Variants in STAT2 observed in about 807,000 individuals in gnomAD.
The protein encoded by STAT2 is signal transducer and activator of transcription 2, also known as interferon alpha induced transcriptional activator.
Under a neutral mutation model 122.3 loss-of-function variants are expected in STAT2, and 51 were observed. The observed-to-expected ratio is 0.42, with a 90% confidence interval of 0.33 to 0.53. The LOEUF (loss-of-function observed/expected upper bound fraction) is 0.53. STAT2 is among the 20% of genes least tolerant of loss of function. The probability of loss-of-function intolerance (pLI) is 0.10; values close to 1 mark genes in which losing one functional copy is unlikely to be tolerated. For missense variants in STAT2, 736 were observed against 1,010.3 expected (o/e 0.73, Z 3.68); for synonymous variants, 351 against 394.9 (o/e 0.89, Z 1.32).
chr12:56,346,583 C>T lies in STAT2; in HGVS notation c.1903G>A (p.Val635Met), dbSNP rs1278719364. The change falls in exon 21 of 24, where the codon GTG becomes ATG. Residue 635 changes from valine to methionine, a missense_variant. Transcript: ENST00000314128. Reference protein sequence around the residue: ...IYSVQPYTKEVLQSLPLTEII... With the variant: ...IYSVQPYTKEMLQSLPLTEII... ...TCAGTCAGCGGGAGTGACTGCAGCA[C>T]CTCCTTCGTGTACGGTTGCACAGAG... The T allele has an allele frequency of 1.2e-5, 20 of 1,614,076 alleles. No individual in the cohort carries two copies. Among genetic ancestry groups the T allele is most frequent in the Non-Finnish European group, 1.5e-5 (18 of 1,180,034 alleles).
intron 8 of STAT2, among the ~76,000 whole-genome samples, chr12:56,352,850 C>T (rs1878756436): frequency 2.0e-5 from 3 of 152,004 alleles, no homozygotes; most frequent in South Asian, 2.1e-4. Context: ...GACAGGGTCT[C>T]GTTCTGTTGT....
At chr12:56,345,495 CA>C (rs1194953634) in intron 22 of STAT2, among the ~76,000 whole-genome samples, 25 of 4,578 alleles carry the variant, frequency 5.5e-3, no homozygotes, top group South Asian at 0.011. Flanking sequence ...GACCCTGTCT[CA>C]AAAAAAAAAA....
intron 8 of STAT2, chr12:56,352,371 T>TGTTTGG (rs1878649097): frequency 3.5e-5 from 1 of 28,464 alleles, no homozygotes. Context: ...TTTTTTTTTT[T>TGTTTGG]GGTGGGGGTG....
chr12:56,349,901 T>C (rs1364974592), intron 13 of STAT2, 196 bp downstream of exon 13: 1 of 644,074 alleles, frequency 1.6e-6, no homozygotes, highest in Non-Finnish European at 2.7e-6. Context: ...ATACAAAAAT[T>C]AGCCGGGCAT....
In STAT2 at chr12:56,343,445, C is replaced by T. The variant is rs201551671; in HGVS notation, c.2500G>A (p.Val834Ile). The T allele has an allele frequency of 3.7e-6, 6 of 1,614,162 alleles. No individual in the cohort carries two copies. The highest frequency in any genetic ancestry group is 1.1e-5 in the South Asian group (1 of 91,082). ...AGQNTVDEVYVSRPSHFYTDG... is the reference protein window; with the variant it reads ...AGQNTVDEVYISRPSHFYTDG... ...GTGTAGAAGTGGCTGGGGCGGGAGA[C>T]GTAAACCTCATCCACGGTGTTCTGG... Residue 834 changes from valine to isoleucine, a missense_variant, in exon 24 of 24, where the codon GTC becomes ATC. Coordinates refer to ENST00000314128, the MANE Select transcript of STAT2 (RefSeq NM_005419.4).
rs754287605 is a variant in STAT2 at position 56,351,359 on chromosome 12, G to T, written c.874C>A (p.Pro292Thr). Residue 292 changes from proline (P) to threonine (T), a missense_variant, in exon 9 of 24, where the codon CCT (proline) becomes ACT (threonine). By Grantham distance (38) the Pro-to-Thr change is conservative (BLOSUM62 -1). Coordinates refer to ENST00000314128, the MANE Select transcript of STAT2 (RefSeq NM_005419.4). ...LSCLVSYQDD[P>T]LTKGVDLRNA... is the part of the protein sequence containing the mutation. ...CGTAGGTCCACCCCTTTGGTCAGAGGGTCATCCTGATAGCTAACCAGGCAA... is the reference window on the plus strand; with the variant it reads ...CGTAGGTCCACCCCTTTGGTCAGAGTGTCATCCTGATAGCTAACCAGGCAA... The T allele has an allele frequency of 6.2e-7, 1 of 1,614,136 alleles. No individual in the cohort carries two copies. The highest frequency in any genetic ancestry group is 1.7e-5 in the Admixed American group (1 of 60,018).
chr12:56,354,298 C>T, intron 8 of STAT2, 168 bp downstream of exon 8: 1 of 990,956 alleles, frequency 1.0e-6, no homozygotes, highest in African/African-American at 1.6e-5. Context: ...TCTGGGCTCC[C>T]TGCGTGGTGA....
chr12:56,352,568 C>T (rs1053095201), intron 8 of STAT2: 4 of 150,434 alleles, frequency 2.7e-5, no homozygotes, highest in Non-Finnish European at 5.9e-5. Flanking sequence ...GCCTGGGAGA[C>T]AGAGAGAGAC....
chr12:56,358,400 C>G (rs1879862556), intron 1 of STAT2, among the ~76,000 whole-genome samples: 1 of 152,056 alleles, frequency 6.6e-6, no homozygotes, highest in African/African-American at 2.4e-5. Context: ...CGCCCACTAC[C>G]ATGCCCAGCT....
At chr12:56,349,368 C>T in intron 15 of STAT2, 58 bp downstream of exon 15, 2 of 1,614,110 alleles carry the variant, frequency 1.2e-6, no homozygotes, top group Non-Finnish European at 1.7e-6. Flanking sequence ...TGTTTATCCC[C>T]TTCTTATGCC....
chr12:56,357,064 TCTCA>T (rs1879631488), intron 1 of STAT2, among the ~76,000 whole-genome samples: 1 of 131,750 alleles, frequency 7.6e-6, no homozygotes, highest in African/African-American at 2.9e-5. Flanking sequence ...TAAGATGGAC[TCTCA>T]CTCTTTTGCC....
chr12:56,350,690 A>G, intron 11 of STAT2, 139 bp downstream of exon 11: 2 of 1,015,456 alleles, frequency 2.0e-6, no homozygotes, highest in Non-Finnish European at 3.0e-6. Flanking sequence ...AGTGTTCAAC[A>G]AAAGAAATGA....
intron 1 of STAT2, among the ~76,000 whole-genome samples, chr12:56,357,761 G>T (rs1565661749): frequency 6.6e-6 from 1 of 150,494 alleles, no homozygotes; most frequent in African/African-American, 2.5e-5. Flanking sequence ...ACCCAGGCTG[G>T]AGTGCAGTGG....
Position 56,351,322 on chromosome 12 carries a change from A to G in STAT2, c.911T>C (p.Val304Ala). 1 of 1,614,112 alleles carries G rather than the reference A, an allele frequency of 6.2e-7. No homozygotes were observed. The highest frequency in any genetic ancestry group is 2.2e-5 in the East Asian group (1 of 44,888). ...GAGCAGACGCTGTAGCAACTCTGTG[A>G]CCTGGGCGTTGCGTAGGTCCACCCC... is the stretch of plus-strand genomic sequence containing the variant. ...TKGVDLRNAQ[V>A]TELLQRLLHR... The change falls in exon 9 of 24, where the codon GTC (valine) becomes GCC (alanine). Residue 304 changes from valine to alanine, a missense_variant. By Grantham distance (64) the Val-to-Ala change is moderately conservative. Coordinates refer to ENST00000314128, the MANE Select transcript of STAT2 (RefSeq NM_005419.4).
chr12:56,345,495 CAA>C (rs1194953634), intron 22 of STAT2, among the ~76,000 whole-genome samples: 8 of 4,582 alleles, frequency 1.7e-3, no homozygotes, highest in African/African-American at 1.7e-3. Flanking sequence ...GACCCTGTCT[CAA>C]AAAAAAAAAA....
intron 22 of STAT2, among the ~76,000 whole-genome samples, chr12:56,345,512 A>ATATATATATATATATAT (rs1216741920): frequency 7.1e-5 from 2 of 28,038 alleles, no homozygotes; most frequent in African/African-American, 9.1e-4. Flanking sequence ...AAAAAAAAAA[A>ATATATATATATATATAT]AAAAAAAAAA....
At chr12:56,355,645 A>G (rs1392532811) in intron 4 of STAT2, 63 bp downstream of exon 4, 8 of 1,594,992 alleles carry the variant, frequency 5.0e-6, no homozygotes, top group Non-Finnish European at 6.9e-6. Context: ...CAACTCCCTG[A>G]GTCCTTTCCA....
Position 56,349,577 on chromosome 12 carries a change from T to A in STAT2, c.1257+12A>T, listed in dbSNP as rs758800939. ...AGCTCCCCCTGCCTCGAGTCCTCTG[T>A]CCAGATCTCACCTTATTGCTGCCCT... On this transcript the variant is annotated intron_variant, in intron 14 of 23. Transcript: ENST00000314128. The A allele has an allele frequency of 1.9e-6, 3 of 1,614,178 alleles. No homozygotes were observed. The highest frequency in any genetic ancestry group is 2.5e-6 in the Non-Finnish European group (3 of 1,180,024).
chr12:56,343,570 G>C (rs1270290588), intron 23 of STAT2, 39 bp from the exon 24 acceptor site: 1 of 1,601,010 alleles, frequency 6.2e-7, no homozygotes, highest in South Asian at 1.1e-5. Context: ...CCCGATCTTA[G>C]TTAGGAGTTC....
Sources: gnomAD v4.1 joint callset for allele counts (sites outside exome capture counted in the v4.1 genomes callset) on GRCh38, gnomAD v4.1.1 for gene constraint, MANE v1.5 for transcripts, NCBI Gene and HGNC (gene_info 2026-07-23, HGNC 2026-07-21) for gene names.